Variants in AGBL1 observed in about 807,000 individuals in gnomAD.
The protein encoded by AGBL1 is cytosolic carboxypeptidase 4.
AGBL1 carries 130 observed loss-of-function variants against 118.9 expected under a neutral mutation model. The observed-to-expected ratio is 1.09, with a 90% confidence interval of 0.95 to 1.26. AGBL1 has a LOEUF of 1.26. Among genes scored for constraint, AGBL1 ranks in the 50% most tolerant of loss-of-function variants. The probability of loss-of-function intolerance (pLI) is 0.00; values close to 1 mark genes in which losing one functional copy is unlikely to be tolerated. For synonymous variants in AGBL1, 555 were observed against 478.9 expected, an observed-to-expected ratio of 1.16 and a Z score of -2.08; for missense variants, 1,584 against 1,298.1, an observed-to-expected ratio of 1.22 and a Z score of -3.38.
rs376114584 is a variant in AGBL1 at position 86,145,441 on chromosome 15, C to T, written c.262+1596C>T. Among the ~76,000 whole-genome samples, 18 of 152,266 alleles carry T rather than the reference C, an allele frequency of 1.2e-4. No homozygotes were observed. The East Asian group carries it at 1.7e-3, about 15-fold the overall frequency. ...TCAGGACTCATGCAGACATTGCAAA[C>T]GAGTCACAAGTGTTAAGTTCTAATT... On this transcript the variant is annotated intron_variant, in intron 3 of 22. Transcript: ENST00000614907.
At chr15:86,572,700 C>T (rs976919541) in intron 21 of AGBL1, among the ~76,000 whole-genome samples, 1 of 152,300 alleles carries the variant, frequency 6.6e-6, no homozygotes, top group African/African-American at 2.4e-5. Context: ...CACAGGAGTC[C>T]GACCATCGCC....
chr15:86,389,834 A>C (rs1739466917), intron 17 of AGBL1, among the ~76,000 whole-genome samples: 1 of 152,182 alleles, frequency 6.6e-6, no homozygotes, highest in South Asian at 2.1e-4. Context: ...CAATCAATCC[A>C]AATGAAGGTC....
At chr15:86,828,409 G>A (rs2079061522) in intron 22 of AGBL1, among the ~76,000 whole-genome samples, 1 of 148,968 alleles carries the variant, frequency 6.7e-6, no homozygotes, top group Admixed American at 6.7e-5. Context: ...GAGATGGGAA[G>A]ATTATCCTGA....
chr15:86,796,372 T>C (rs1308828356), intron 22 of AGBL1, among the ~76,000 whole-genome samples: 1 of 152,144 alleles, frequency 6.6e-6, no homozygotes, highest in Non-Finnish European at 1.5e-5. Flanking sequence ...ACAAGTAAAC[T>C]CTCTGAAACC....
chr15:86,524,773 G>A (rs1387947115), intron 19 of AGBL1, among the ~76,000 whole-genome samples: 1 of 152,138 alleles, frequency 6.6e-6, no homozygotes, highest in African/African-American at 2.4e-5. Context: ...AGTCATTCAA[G>A]GGACAGATCT....
intron 18 of AGBL1, among the ~76,000 whole-genome samples, chr15:86,440,405 A>T (rs2082048224): frequency 6.6e-6 from 1 of 151,830 alleles, no homozygotes; most frequent in African/African-American, 2.4e-5. Context: ...ACAAAGGAGA[A>T]GTTGAGAGTA....
chr15:86,694,307 T>G (rs189430979), intron 22 of AGBL1, among the ~76,000 whole-genome samples: 2 of 152,254 alleles, frequency 1.3e-5, no homozygotes, highest in East Asian at 3.9e-4. Flanking sequence ...TAGCAGTCTT[T>G]CACCTCCTTG....
intron 17 of AGBL1, among the ~76,000 whole-genome samples, chr15:86,387,045 T>G (rs760102905): frequency 6.6e-6 from 1 of 151,848 alleles, no homozygotes; most frequent in Non-Finnish European, 1.5e-5. Context: ...AACAGAGAAA[T>G]AAGGTATGGA....
chr15:86,157,801 T>C (rs754463420), intron 4 of AGBL1, among the ~76,000 whole-genome samples: 29 of 152,282 alleles, frequency 1.9e-4, no homozygotes, highest in Non-Finnish European at 2.6e-4. Flanking sequence ...ATGAACCCTT[T>C]GGAAGTTCTC....
chr15:86,269,784 G>C lies in AGBL1; in HGVS notation c.1839-135G>C, dbSNP rs900052212. 10 of 1,033,962 alleles carry C rather than the reference G, an allele frequency of 9.7e-6. No individual in the cohort carries two copies. In the African/African-American group the frequency reaches 1.6e-4, roughly 17 times the overall value. The allele number at this position is 1,033,962 out of a possible 1,614,324, so 64.0% of individuals were successfully genotyped here. A position where few individuals can be genotyped will look rare whatever the true frequency, so the allele number is the denominator to read the frequency against. ...CAATATTGTGGTATCAGGATGATAAGTATAACTTACCAGCTGGCTGAGATC... is the reference window on the plus strand; with the variant it reads ...CAATATTGTGGTATCAGGATGATAACTATAACTTACCAGCTGGCTGAGATC... On this transcript the variant is annotated intron_variant, in intron 13 of 22. Coordinates refer to ENST00000614907, the MANE Select transcript of AGBL1 (RefSeq NM_001386094.1).
intron 3 of AGBL1, among the ~76,000 whole-genome samples, chr15:86,150,192 A>G (rs1037195116): frequency 2.0e-5 from 3 of 152,238 alleles, no homozygotes; most frequent in African/African-American, 7.2e-5. Flanking sequence ...TCTATAATCA[A>G]CACCCTAACA....
chr15:87,008,107 T>A (rs1359739702), intron 24 of AGBL1, among the ~76,000 whole-genome samples: 1 of 152,222 alleles, frequency 6.6e-6, no homozygotes, highest in Non-Finnish European at 1.5e-5. Flanking sequence ...GCATTATTTC[T>A]AAGCACGTCT....
intron 1 of AGBL1, among the ~76,000 whole-genome samples, chr15:86,091,102 A>G (rs190914617): frequency 2.6e-5 from 4 of 152,244 alleles, no homozygotes; most frequent in Admixed American, 6.5e-5. Context: ...CTTGAATCCT[A>G]TGGGTCAGCA....
intron 17 of AGBL1, among the ~76,000 whole-genome samples, chr15:86,388,135 C>A (rs545276792): frequency 6.6e-6 from 1 of 152,160 alleles, no homozygotes; most frequent in Non-Finnish European, 1.5e-5. Context: ...TGGGTGCAGA[C>A]AAACCCTGCT....
chr15:86,184,563 T>C (rs2077602515), intron 5 of AGBL1, among the ~76,000 whole-genome samples: 1 of 151,978 alleles, frequency 6.6e-6, no homozygotes, highest in South Asian at 2.1e-4. Flanking sequence ...CTGCAGAGTG[T>C]TTTCCAACTT....
intron 18 of AGBL1, among the ~76,000 whole-genome samples, chr15:86,520,735 C>T (rs2083178989): frequency 6.6e-6 from 1 of 152,126 alleles, no homozygotes; most frequent in Non-Finnish European, 1.5e-5. Flanking sequence ...AAACAAATCC[C>T]CAGTGTTGAT....
chr15:86,471,823 G>T (rs915625248), intron 18 of AGBL1, among the ~76,000 whole-genome samples: 3 of 152,156 alleles, frequency 2.0e-5, no homozygotes, highest in African/African-American at 7.2e-5. Flanking sequence ...CCTCCAAAAA[G>T]ATATTGGCAT....
In AGBL1 at chr15:86,370,299, T is replaced by TC. The variant is rs1246710250; in HGVS notation, c.2375-27065dup. Among the ~76,000 whole-genome samples the TC allele has an allele frequency of 3.3e-5, 4 of 122,926 alleles. No homozygotes were observed. In the East Asian group the frequency reaches 1.1e-3, roughly 34 times the overall value. 80.6% of individuals were successfully genotyped at this position (122,926 alleles called of 152,430 possible). A position where few individuals can be genotyped will look rare whatever the true frequency, so the allele number is the denominator to read the frequency against. ...TAAGCCTCATTCCCACTGTCTCTAT[T>TC]CCTTTTTTTTTTTTTTTTTTCTTTA... On this transcript the variant is annotated intron_variant, in intron 17 of 22. Transcript: ENST00000614907.
At chr15:86,368,196 T>A (rs12905459) in intron 17 of AGBL1, among the ~76,000 whole-genome samples, 6,847 of 151,812 alleles carry the variant, frequency 0.045, 182 homozygotes, top group South Asian at 0.075. Flanking sequence ...GGTAAAGAGC[T>A]CCCTAATATT....
Sources: gnomAD v4.1 joint callset for allele counts (sites outside exome capture counted in the v4.1 genomes callset) on GRCh38, gnomAD v4.1.1 for gene constraint, MANE v1.5 for transcripts, NCBI Gene and HGNC (gene_info 2026-07-23, HGNC 2026-07-21) for gene names.